Variants in NANOGNB observed in about 807,000 individuals in gnomAD.
The protein encoded by NANOGNB is NANOG neighbor homeobox.
In NANOGNB, 30 loss-of-function variants were observed where a neutral mutation model predicts 25.0. That is an observed-to-expected ratio of 1.20 (90% confidence interval 0.90 to 1.63). NANOGNB has a LOEUF of 1.63. Ranked by LOEUF, NANOGNB falls within the 40% of genes most tolerant of loss-of-function variation. The probability of loss-of-function intolerance (pLI) is 0.00; values close to 1 mark genes in which losing one functional copy is unlikely to be tolerated. For synonymous variants in NANOGNB, 84 were observed against 62.1 expected (o/e 1.35, Z -1.66); for missense variants, 200 against 188.1 (o/e 1.06, Z -0.37).
chr12:7,773,704 G>T, intron 3 of NANOGNB, 96 bp from the exon 4 acceptor site: 1 of 498,864 alleles, frequency 2.0e-6, no homozygotes, highest in Non-Finnish European at 3.4e-6. Context: ...CAGCTTGGGT[G>T]ACAAGAGTGA....
intron 3 of NANOGNB, among the ~76,000 whole-genome samples, chr12:7,772,316 C>T (rs1452810994): frequency 6.6e-6 from 1 of 152,060 alleles, no homozygotes; most frequent in East Asian, 1.9e-4. Flanking sequence ...CTCACTCTGT[C>T]GCCCAGGCTG....
rs1423648840 is a variant in NANOGNB, at chr12:7,770,303, GAC to G, written c.427_428del (p.His143Ter). ...TATCACTGTCATTTGAATTTGACAT[GAC>G]ACATAAACAGGTATGACAACATTAA... ...SLSLSFEFDM[T>X]HKQISQWFCK... On this transcript the variant is annotated frameshift_variant, in exon 2 of 4. Coordinates refer to ENST00000382119, the MANE Select transcript of NANOGNB (RefSeq NM_001145465.1). LOFTEE classifies it high-confidence loss of function. The G allele has an allele frequency of 9.1e-6, 14 of 1,531,888 alleles. No homozygotes were observed. The highest frequency in any genetic ancestry group is 1.1e-5 in the Non-Finnish European group (12 of 1,140,862). The allele number at this position is 1,531,888 out of a possible 1,614,324, so 94.9% of individuals were successfully genotyped here.
At position 7,771,461 on chromosome 12, in the gene NANOGNB, C is replaced by T. The variant is rs376044180; in HGVS notation, c.515+943C>T. On this transcript the variant is annotated intron_variant, in intron 3 of 3. Coordinates refer to ENST00000382119, the MANE Select transcript of NANOGNB (RefSeq NM_001145465.1). ...GTCTCGATCTCCTGACCTTGTGATC[C>T]GCCTGCCTCGGCCTCCGAAAGTGCT... 1.7e-3 allele frequency among the ~76,000 whole-genome samples: 254 copies of T among 152,174 alleles called. 6 individuals are homozygous for T. In the East Asian group the frequency reaches 0.032, roughly 19 times the overall value.
In NANOGNB at chr12:7,770,442, A is replaced by C. The variant is rs1471113052; in HGVS notation, c.439A>C (p.Ser147Arg). The change falls in exon 3 of 4, where the codon AGT becomes CGT. Residue 147 changes from serine (S) to arginine (R), a missense_variant. Ser to Arg is a moderately radical substitution (Grantham distance 110). Coordinates refer to ENST00000382119, the MANE Select transcript of NANOGNB (RefSeq NM_001145465.1). ...FEFDMTHKQI[S>R]QWFCKTRKKY... Reference sequence around the variant, plus strand: ...CCCACACCTCATTTTTTTGTAGATAAGTCAATGGTTTTGTAAAACGAGGAA... The same window carrying C: ...CCCACACCTCATTTTTTTGTAGATACGTCAATGGTTTTGTAAAACGAGGAA... 1.3e-6 allele frequency: 2 copies of C among 1,537,892 alleles called. No individual in the cohort carries two copies. Among genetic ancestry groups the C allele is most frequent in the East Asian group, 2.4e-5 (1 of 40,830 alleles).
intron 1 of NANOGNB, 47 bp downstream of exon 1, chr12:7,765,434 G>T: frequency 2.8e-6 from 1 of 354,204 alleles, no homozygotes; most frequent in Non-Finnish European, 5.4e-6. Context: ...GCTGGGCGTG[G>T]TGGCGGGCGC....
Position 7,773,890 on chromosome 12 carries a change from G to A in NANOGNB, c.*39G>A, listed in dbSNP as rs1296626547. On this transcript the variant is annotated 3_prime_UTR_variant, in exon 4 of 4. Coordinates refer to ENST00000382119, the MANE Select transcript of NANOGNB (RefSeq NM_001145465.1). ...GCCTCCAGAAATGCTGTGATTACAA[G>A]CATGAGCCATCGCACTGGCTAAGAC... The A allele has an allele frequency of 1.7e-6, 1 of 604,226 alleles. No individual in the cohort carries two copies. Among genetic ancestry groups the A allele is most frequent in the South Asian group, 1.8e-5 (1 of 55,250 alleles). The allele number at this position is 604,226 out of a possible 1,614,324, so 37.4% of individuals were successfully genotyped here. A position where few individuals can be genotyped will look rare whatever the true frequency, so the allele number is the denominator to read the frequency against.
intron 3 of NANOGNB, among the ~76,000 whole-genome samples, chr12:7,772,576 CT>C (rs71038747): frequency 0.58 from 62,082 of 107,890 alleles, 17,414 homozygotes; most frequent in African/African-American, 0.62. Flanking sequence ...CGCACCCGGC[CT>C]TTTTTTTTTT....
At chr12:7,770,563 T>G in intron 3 of NANOGNB, 45 bp downstream of exon 3, 18 of 1,180,158 alleles carry the variant, frequency 1.5e-5, no homozygotes, top group Non-Finnish European at 1.8e-5. Flanking sequence ...AGAAGGAATA[T>G]ATTGACTTCC....
chr12:7,770,498 G>A lies in NANOGNB; in HGVS notation c.495G>A (p.Lys165=). The change falls in exon 3 of 4, where the codon AAG becomes AAA. Residue 165 remains lysine (K), a synonymous_variant. Transcript: ENST00000382119. ...KKYNKEMSKR[K]HKKKHMRWRS... is the part of the protein sequence containing the mutation. ...ATAATAAAGAAATGTCCAAGAGAAA[G>A]CATAAGAAAAAACATATGAGGTAAG... is the stretch of plus-strand genomic sequence containing the variant. 1 of 1,508,376 alleles carries A rather than the reference G, an allele frequency of 6.6e-7. No individual in the cohort carries two copies. The highest frequency in any genetic ancestry group is 2.0e-5 in the Admixed American group (1 of 49,042). The allele number at this position is 1,508,376 out of a possible 1,614,324, so 93.4% of individuals were successfully genotyped here.
chr12:7,773,806 A>C lies in NANOGNB; in HGVS notation c.522A>C (p.Arg174Ser). Residue 174 changes from arginine to serine, a missense_variant, in exon 4 of 4, where the codon AGA becomes AGC. Coordinates refer to ENST00000382119, the MANE Select transcript of NANOGNB (RefSeq NM_001145465.1). ...RKHKKKHMRW[R>S]SLCCQGWSRT... is the part of the protein sequence containing the mutation. ...TTTTTTTTTTTTTAAACAGATGGAG[A>C]TCTCTGTGTTGCCAAGGCTGGTCTC... The C allele has an allele frequency of 1.7e-6, 1 of 601,468 alleles. No individual in the cohort carries two copies. Among genetic ancestry groups the C allele is most frequent in the Non-Finnish European group, 2.9e-6 (1 of 346,084 alleles). 37.3% of individuals were successfully genotyped at this position (601,468 alleles called of 1,614,324 possible). A position where few individuals can be genotyped will look rare whatever the true frequency, so the allele number is the denominator to read the frequency against.
chr12:7,772,161 G>A (rs1448213601), intron 3 of NANOGNB, among the ~76,000 whole-genome samples: 1 of 152,216 alleles, frequency 6.6e-6, no homozygotes, highest in Non-Finnish European at 1.5e-5. Flanking sequence ...TACTTACAGA[G>A]CAAGATCAGC....
intron 3 of NANOGNB, among the ~76,000 whole-genome samples, chr12:7,773,139 A>G (rs1862600459): frequency 1.2e-5 from 1 of 80,298 alleles, no homozygotes. Context: ...TTTTTTTTTC[A>G]AAGATGGGGG....
At position 7,770,098 on chromosome 12, in the gene NANOGNB, G is replaced by A. The variant is rs1865278331; in HGVS notation, c.218G>A (p.Arg73Lys). ...WREEGEAGRK[R>K]EREKEEKNEK... ...GAAGAAGGAGAAGCAGGCAGAAAGA[G>A]AGAACGAGAAAAAGAAGAAAAAAAC... The change falls in exon 2 of 4, where the codon AGA becomes AAA. Residue 73 changes from arginine (R) to lysine (K), a missense_variant. Physicochemically the swap from Arg to Lys is conservative, Grantham distance 26. Transcript: ENST00000382119. The A allele has an allele frequency of 2.6e-6, 4 of 1,542,356 alleles. No homozygotes were observed. The highest frequency in any genetic ancestry group is 3.5e-6 in the Non-Finnish European group (4 of 1,139,726).
chr12:7,770,023 C>A lies in NANOGNB; in HGVS notation c.143C>A (p.Ser48Ter), dbSNP rs1865277666. ...CCTTGGGATCAAGATCCAGAACAAT[C>A]AACTGGAAATTACAGTGAAGATGAA... ...AMPWDQDPEQ[S>*]TGNYSEDEQN... The change falls in exon 2 of 4, where the codon TCA (serine) becomes TAA (stop). Residue 48 changes from serine (S) to a stop codon, truncating the protein, a stop_gained. Transcript: ENST00000382119. LOFTEE classifies it high-confidence loss of function. 2 of 1,529,654 alleles carry A rather than the reference C, an allele frequency of 1.3e-6. No homozygotes were observed. The highest frequency in any genetic ancestry group is 2.5e-5 in the South Asian group (2 of 78,998). 94.8% of individuals were successfully genotyped at this position (1,529,654 alleles called of 1,614,324 possible).
intron 3 of NANOGNB, 43 bp downstream of exon 3, chr12:7,770,561 T>C: frequency 3.3e-5 from 37 of 1,130,562 alleles, no homozygotes; most frequent in Non-Finnish European, 3.8e-5. Context: ...GTAGAAGGAA[T>C]ATATTGACTT....
chr12:7,771,409 C>T (rs1316587246), intron 3 of NANOGNB, among the ~76,000 whole-genome samples: 1 of 151,740 alleles, frequency 6.6e-6, no homozygotes, highest in Non-Finnish European at 1.5e-5. Flanking sequence ...TTAGTAGAGA[C>T]GGGGTTTCAC....
Position 7,770,039 on chromosome 12 carries a change from T to C in NANOGNB, c.159T>C (p.Ser53=), listed in dbSNP as rs995692914. 6.5e-7 allele frequency: 1 copy of C among 1,535,894 alleles called. No individual in the cohort carries two copies. Among genetic ancestry groups the C allele is most frequent in the South Asian group, 1.2e-5 (1 of 80,494 alleles). ...QDPEQSTGNY[S]EDEQNGKQKW... The stretch of plus-strand genomic sequence containing the variant: ...CAGAACAATCAACTGGAAATTACAG[T>C]GAAGATGAACAAAATGGAAAGCAGA... Residue 53 remains serine, a synonymous_variant, in exon 2 of 4, where the codon AGT becomes AGC. Coordinates refer to ENST00000382119, the MANE Select transcript of NANOGNB (RefSeq NM_001145465.1).
Position 7,770,437 on chromosome 12 carries a change from A to C in NANOGNB, c.436-2A>C, listed in dbSNP as rs1181510240. The C allele has an allele frequency of 1.3e-6, 2 of 1,536,798 alleles. No homozygotes were observed. Among genetic ancestry groups the C allele is most frequent in the African/African-American group, 2.8e-5 (2 of 72,400 alleles). ...CACCTCCCACACCTCATTTTTTTGT[A>C]GATAAGTCAATGGTTTTGTAAAACG... On this transcript the variant is annotated splice_acceptor_variant, in intron 2 of 3. Transcript: ENST00000382119. LOFTEE classifies it high-confidence loss of function.
rs761185175 is a variant in NANOGNB at position 7,769,347 on chromosome 12, G to T, written c.103-636G>T. ...GCAAATTTTTTTTTTTTTTTGAGAT[G>T]CAGTCTCACTCTGTTGCCAGGCTGG... is the stretch of plus-strand genomic sequence containing the variant. On this transcript the variant is annotated intron_variant, in intron 1 of 3. Coordinates refer to ENST00000382119, the MANE Select transcript of NANOGNB (RefSeq NM_001145465.1). 3.2e-3 allele frequency among the ~76,000 whole-genome samples: 461 copies of T among 144,714 alleles called. 2 individuals are homozygous for T. The highest frequency in any genetic ancestry group is 0.011 in the African/African-American group (437 of 38,952). 94.9% of individuals were successfully genotyped at this position (144,714 alleles called of 152,430 possible).
Sources: gnomAD v4.1 joint callset for allele counts (sites outside exome capture counted in the v4.1 genomes callset) on GRCh38, gnomAD v4.1.1 for gene constraint, MANE v1.5 for transcripts, NCBI Gene and HGNC (gene_info 2026-07-23, HGNC 2026-07-21) for gene names.